SLC8A1: variants seen among roughly 807,000 people sequenced by gnomAD.
SLC8A1 encodes sodium/calcium exchanger 1.
SLC8A1 carries 18 observed loss-of-function variants against 68.3 expected under a neutral mutation model. That is an observed-to-expected ratio of 0.26 (90% CI 0.18 to 0.39). The LOEUF (loss-of-function observed/expected upper bound fraction) is 0.39. Ranked by LOEUF, SLC8A1 falls within the 10% of genes least tolerant of loss-of-function variation. SLC8A1 has a pLI of 1.00. For synonymous variants in SLC8A1, 475 were observed against 415.5 expected (o/e 1.14, Z -1.74); for missense variants, 985 against 1,156.7 (o/e 0.85, Z 2.15).
intron 2 of SLC8A1, among the ~76,000 whole-genome samples, chr2:40,242,876 G>T (rs1381557537): frequency 6.6e-6 from 1 of 152,136 alleles, no homozygotes; most frequent in Non-Finnish European, 1.5e-5. Flanking sequence ...TCACATGCAA[G>T]GTATACTTTT....
intron 7 of SLC8A1, among the ~76,000 whole-genome samples, chr2:40,128,706 G>C (rs2038685318): frequency 6.6e-6 from 1 of 152,130 alleles, no homozygotes; most frequent in Non-Finnish European, 1.5e-5. Context: ...GTTGGGGGCA[G>C]GGTAGTGGAA....
At chr2:40,501,926 C>G (rs899344601) in intron 1 of SLC8A1, among the ~76,000 whole-genome samples, 25 of 152,032 alleles carry the variant, frequency 1.6e-4, no homozygotes, top group Admixed American at 6.6e-5. Flanking sequence ...TCTCTCTACT[C>G]AGATGTACTC....
chr2:40,131,288 C>G (rs528856101), intron 7 of SLC8A1, among the ~76,000 whole-genome samples: 1 of 152,182 alleles, frequency 6.6e-6, no homozygotes, highest in East Asian at 1.9e-4. Context: ...CCCCTCAGCA[C>G]GTAGTCATTG....
exon 8 of SLC8A1, chr2:40,100,737 C>CA (rs1198214411): frequency 6.6e-6 from 1 of 152,054 alleles, no homozygotes. Context: ...TCCTCAGCGA[C>CA]AGACAATGGA....
upstream of SLC8A1, among the ~76,000 whole-genome samples, chr2:40,452,763 C>A (rs1702709187): frequency 2.7e-5 from 4 of 150,558 alleles, no homozygotes; most frequent in South Asian, 8.5e-4. Flanking sequence ...CAGAGATATT[C>A]GGGGGAGGGT....
At chr2:40,240,424 A>G (rs369580542) in intron 2 of SLC8A1, among the ~76,000 whole-genome samples, 4 of 152,174 alleles carry the variant, frequency 2.6e-5, no homozygotes, top group Non-Finnish European at 4.4e-5. Context: ...ACTGGACCCA[A>G]TGCAACACCA....
chr2:40,504,937 C>G (rs1401401567), intron 1 of SLC8A1, among the ~76,000 whole-genome samples: 1 of 151,738 alleles, frequency 6.6e-6, no homozygotes, highest in African/African-American at 2.4e-5. Flanking sequence ...ACATTTAATC[C>G]AGTAATTCCA....
intron 2 of SLC8A1, among the ~76,000 whole-genome samples, chr2:40,418,165 T>C (rs1480149784): frequency 6.6e-6 from 1 of 152,222 alleles, no homozygotes; most frequent in Non-Finnish European, 1.5e-5. Flanking sequence ...GCAAGATAGT[T>C]TAGCTCTAGA....
At position 40,299,650 on chromosome 2, in the gene SLC8A1, T is replaced by C. The variant is rs1453713729; in HGVS notation, c.1809-121795A>G. Reference sequence around the variant, plus strand: ...GAATCTGGGGACTGGGTTCTTTGCCTAAATCCTCCCCCACCTTCAATGCCA... The same window carrying C: ...GAATCTGGGGACTGGGTTCTTTGCCCAAATCCTCCCCCACCTTCAATGCCA... On this transcript the variant is annotated intron_variant, in intron 2 of 7. Transcript: ENST00000406785. Among the ~76,000 whole-genome samples the C allele has an allele frequency of 1.3e-5, 2 of 152,280 alleles. 1 individual carries two copies. Among genetic ancestry groups the C allele is most frequent in the South Asian group, 4.1e-4 (2 of 4,822 alleles).
chr2:40,389,408 C>A (rs981890536), intron 2 of SLC8A1, among the ~76,000 whole-genome samples: 5 of 152,020 alleles, frequency 3.3e-5, no homozygotes, highest in Admixed American at 3.3e-4. Flanking sequence ...ACAATCTAAT[C>A]TAAGCTTCCA....
At chr2:40,226,529 C>T (rs1011768342) in intron 2 of SLC8A1, among the ~76,000 whole-genome samples, 1 of 152,142 alleles carries the variant, frequency 6.6e-6, no homozygotes, top group African/African-American at 2.4e-5. Context: ...GCCTCTAAAT[C>T]CTTGCTCTAC....
chr2:40,306,001 C>G (rs944838084), intron 2 of SLC8A1, among the ~76,000 whole-genome samples: 2 of 152,286 alleles, frequency 1.3e-5, no homozygotes, highest in Admixed American at 1.3e-4. Flanking sequence ...ATGCATGCTC[C>G]TAAGCAGCTG....
chr2:40,456,248 G>A (rs542454919), upstream of SLC8A1, among the ~76,000 whole-genome samples: 203 of 150,342 alleles, frequency 1.4e-3, no homozygotes, highest in Non-Finnish European at 2.2e-3. Context: ...CCCAGGAGGC[G>A]GAGCTTGCAG....
intron 2 of SLC8A1, among the ~76,000 whole-genome samples, chr2:40,187,905 G>GAT (rs2050991052): frequency 6.6e-6 from 1 of 152,124 alleles, no homozygotes; most frequent in Admixed American, 6.5e-5. Flanking sequence ...ATAATTTTGT[G>GAT]ATATATAAAA....
At chr2:40,281,110 G>C (rs2067452968) in intron 2 of SLC8A1, among the ~76,000 whole-genome samples, 1 of 152,134 alleles carries the variant, frequency 6.6e-6, no homozygotes, top group Admixed American at 6.5e-5. Flanking sequence ...GATTTCACAA[G>C]AGTCACCTGT....
At chr2:40,309,930 T>C (rs1443960292) in intron 2 of SLC8A1, among the ~76,000 whole-genome samples, 1 of 152,182 alleles carries the variant, frequency 6.6e-6, no homozygotes. Context: ...TTCCAGAACA[T>C]TGTATTCAGC....
chr2:40,495,716 G>A (rs1705652351), intron 1 of SLC8A1, among the ~76,000 whole-genome samples: 1 of 152,052 alleles, frequency 6.6e-6, no homozygotes, highest in Non-Finnish European at 1.5e-5. Flanking sequence ...AAAAACAGAG[G>A]TATGGAGAAG....
At chr2:40,457,438 T>G (rs1430160122) in intron 1 of SLC8A1, among the ~76,000 whole-genome samples, 2 of 152,242 alleles carry the variant, frequency 1.3e-5, no homozygotes, top group Non-Finnish European at 2.9e-5. Flanking sequence ...TAGACTCTTC[T>G]GAGAGCTGCC....
At chr2:40,384,358 C>A (rs1203648886) in intron 2 of SLC8A1, among the ~76,000 whole-genome samples, 1 of 152,062 alleles carries the variant, frequency 6.6e-6, no homozygotes, top group Non-Finnish European at 1.5e-5. Context: ...TGTTATTGAG[C>A]ACAGTCTTTT....
Sources: gnomAD v4.1 joint callset for allele counts (sites outside exome capture counted in the v4.1 genomes callset) on GRCh38, gnomAD v4.1.1 for gene constraint, MANE v1.5 for transcripts, NCBI Gene and HGNC (gene_info 2026-07-23, HGNC 2026-07-21) for gene names.